Variants in UNC13C observed in about 807,000 individuals in gnomAD.
UNC13C encodes the protein protein unc-13 homolog C.
In UNC13C, 174 loss-of-function variants were observed where a neutral mutation model predicts 245.4. The ratio of observed to expected loss-of-function variants is 0.71; its 90% CI spans 0.63 to 0.80. The LOEUF (loss-of-function observed/expected upper bound fraction) is 0.80, where lower values mean the gene tolerates loss of function less well. UNC13C is among the 30% of genes least tolerant of loss of function. The pLI is 0.00. For missense variants in UNC13C, 2,829 were observed against 2,602.9 expected, an observed-to-expected ratio of 1.09 and a Z score of -1.89; for synonymous variants, 992 against 895.1, an observed-to-expected ratio of 1.11 and a Z score of -1.93.
chr15:54,152,746 A>G (rs1003147982), intron 4 of UNC13C, among the ~76,000 whole-genome samples: 12 of 152,196 alleles, frequency 7.9e-5, no homozygotes, highest in Non-Finnish European at 2.9e-5. Flanking sequence ...ACCCCACTAA[A>G]TAAGATGGAA....
chr15:53,868,539 C>A, the UNC13C span, among the ~76,000 whole-genome samples: 3 of 152,088 alleles, frequency 2.0e-5, no homozygotes, highest in Admixed American at 2.0e-4. Context: ...GTCTGCTCCC[C>A]ACAGGGTTCT....
intron 26 of UNC13C, among the ~76,000 whole-genome samples, chr15:54,538,100 A>C (rs1387824625): frequency 7.2e-6 from 1 of 138,384 alleles, no homozygotes; most frequent in Non-Finnish European, 1.5e-5. Context: ...TCTAATATCC[A>C]GACTCTATAA....
At chr15:54,210,347 G>A (rs1201877777) in intron 4 of UNC13C, among the ~76,000 whole-genome samples, 4 of 151,276 alleles carry the variant, frequency 2.6e-5, no homozygotes, top group Admixed American at 6.6e-5. Context: ...TCACTAATTA[G>A]ATGATTAATG....
chr15:54,444,230 G>T (rs145372531), intron 19 of UNC13C, among the ~76,000 whole-genome samples: 1 of 150,782 alleles, frequency 6.6e-6, no homozygotes, highest in Non-Finnish European at 1.5e-5. Context: ...GCTCAATTTC[G>T]GTTGTTGTTG....
At chr15:54,430,505 G>A (rs1376948074) in intron 19 of UNC13C, among the ~76,000 whole-genome samples, 1 of 151,282 alleles carries the variant, frequency 6.6e-6, no homozygotes, top group Non-Finnish European at 1.5e-5. Flanking sequence ...ATTTTTTAAT[G>A]TGTTAATTGC....
At chr15:54,221,426 T>C (rs2035221617) in intron 4 of UNC13C, among the ~76,000 whole-genome samples, 1 of 151,936 alleles carries the variant, frequency 6.6e-6, no homozygotes, top group Non-Finnish European at 1.5e-5. Flanking sequence ...GAATGGCTAA[T>C]ATTTAGCAGG....
At chr15:54,198,358 T>C (rs920138909) in intron 4 of UNC13C, among the ~76,000 whole-genome samples, 5 of 152,072 alleles carry the variant, frequency 3.3e-5, no homozygotes, top group Non-Finnish European at 5.9e-5. Flanking sequence ...GAACCACAGC[T>C]GATGTACTCT....
intron 26 of UNC13C, among the ~76,000 whole-genome samples, chr15:54,534,943 C>T (rs1026274530): frequency 3.9e-5 from 6 of 152,046 alleles, no homozygotes; most frequent in African/African-American, 1.4e-4. Context: ...CAATACCTGC[C>T]AACACAAAAA....
intron 19 of UNC13C, among the ~76,000 whole-genome samples, chr15:54,493,309 T>C (rs1893804521): frequency 6.6e-6 from 1 of 152,174 alleles, no homozygotes; most frequent in Non-Finnish European, 1.5e-5. Context: ...GAGTTTGGCC[T>C]AGAAGTATTA....
At chr15:54,420,980 T>A (rs1226589762) in intron 19 of UNC13C, among the ~76,000 whole-genome samples, 1 of 152,052 alleles carries the variant, frequency 6.6e-6, no homozygotes, top group Admixed American at 6.6e-5. Context: ...TCACCAGGGG[T>A]AGAGCCTTGG....
intron 4 of UNC13C, among the ~76,000 whole-genome samples, chr15:54,205,884 G>C (rs976970320): frequency 5.3e-5 from 8 of 152,008 alleles, no homozygotes; most frequent in Admixed American, 5.3e-4. Flanking sequence ...AATCCAGTCA[G>C]CTGAAATTAC....
At chr15:54,331,380 A>G (rs1482976716) in intron 14 of UNC13C, among the ~76,000 whole-genome samples, 1 of 152,062 alleles carries the variant, frequency 6.6e-6, no homozygotes, top group Non-Finnish European at 1.5e-5. Flanking sequence ...ACCATCTTCA[A>G]ATACTTCTGT....
intron 30 of UNC13C, among the ~76,000 whole-genome samples, chr15:54,606,248 G>C (rs1400329962): frequency 2.0e-5 from 3 of 152,178 alleles, no homozygotes; most frequent in Admixed American, 6.5e-5. Flanking sequence ...TCTAGCAAGG[G>C]CCTAAGACTT....
the UNC13C span, among the ~76,000 whole-genome samples, chr15:53,937,055 G>A: frequency 6.6e-6 from 1 of 152,202 alleles, no homozygotes; most frequent in Non-Finnish European, 1.5e-5. Context: ...ACAGAAGTAG[G>A]CTTCTGAAGG....
chr15:53,941,233 G>C, the UNC13C span, among the ~76,000 whole-genome samples: 1 of 152,096 alleles, frequency 6.6e-6, no homozygotes, highest in Non-Finnish European at 1.5e-5. Flanking sequence ...GGTGCTGGGA[G>C]AACTGGCTAG....
chr15:54,305,086 C>G (rs892574938), intron 13 of UNC13C, among the ~76,000 whole-genome samples: 1 of 152,010 alleles, frequency 6.6e-6, no homozygotes, highest in Non-Finnish European at 1.5e-5. Flanking sequence ...GAAATCATAT[C>G]TTTCATTACT....
intron 2 of UNC13C, among the ~76,000 whole-genome samples, chr15:54,026,908 G>A (rs1342147631): frequency 6.6e-6 from 1 of 152,166 alleles, no homozygotes; most frequent in Admixed American, 6.5e-5. Context: ...AAGTGGGTGA[G>A]AGGAATTTAA....
chr15:53,858,884 A>G, the UNC13C span, among the ~76,000 whole-genome samples: 1 of 152,208 alleles, frequency 6.6e-6, no homozygotes, highest in African/African-American at 2.4e-5. Flanking sequence ...TACCCAGCAT[A>G]ACTTGGTCAT....
At chr15:54,271,360 A>G (rs2036683546) in intron 10 of UNC13C, among the ~76,000 whole-genome samples, 1 of 152,216 alleles carries the variant, frequency 6.6e-6, no homozygotes, top group African/African-American at 2.4e-5. Context: ...TGAATTGTAT[A>G]GTTGATCATT....
Sources: gnomAD v4.1 joint callset for allele counts (sites outside exome capture counted in the v4.1 genomes callset) on GRCh38, gnomAD v4.1.1 for gene constraint, MANE v1.5 for transcripts, NCBI Gene and HGNC (gene_info 2026-07-23, HGNC 2026-07-21) for gene names.